PTPRM: variants seen among roughly 807,000 people sequenced by gnomAD.
The protein encoded by PTPRM is protein tyrosine phosphatase receptor type M.
Under a neutral mutation model 186.7 loss-of-function variants are expected in PTPRM, and 47 were observed. That is an observed-to-expected ratio of 0.25 (90% CI 0.20 to 0.32). The LOEUF is 0.32. Among genes scored for constraint, PTPRM ranks in the 10% least tolerant of loss-of-function variants. PTPRM has a pLI of 1.00. For synonymous variants in PTPRM, 668 were observed against 674.9 expected (o/e 0.99, Z 0.16); for missense variants, 1,494 against 1,865.0 (o/e 0.80, Z 3.66).
Position 7,930,358 on chromosome 18 carries a change from C to A in PTPRM, c.663+3675C>A, listed in dbSNP as rs557826685. Among the ~76,000 whole-genome samples the A allele has an allele frequency of 2.6e-5, 4 of 152,284 alleles. No homozygotes were observed. In the South Asian group the frequency reaches 8.3e-4, roughly 32 times the overall value. On this transcript the variant is annotated intron_variant, in intron 5 of 32. Transcript: ENST00000580170. ...GTGCTAGGATTACAGACGTGAGCCACCATGCCCGACCTATTTACAATAATT... is the reference window on the plus strand; with the variant it reads ...GTGCTAGGATTACAGACGTGAGCCAACATGCCCGACCTATTTACAATAATT...
intron 13 of PTPRM, among the ~76,000 whole-genome samples, chr18:8,124,720 G>C (rs758153226): frequency 3.0e-4 from 45 of 152,266 alleles, no homozygotes; most frequent in Non-Finnish European, 5.9e-4. Flanking sequence ...GAAGTGGTCG[G>C]TGTGACAGCT....
At chr18:8,187,027 A>G (rs896748622) in intron 14 of PTPRM, among the ~76,000 whole-genome samples, 2 of 149,848 alleles carry the variant, frequency 1.3e-5, no homozygotes, top group African/African-American at 4.9e-5. Context: ...TGCAACCTCC[A>G]CCTCCCAGAT....
chr18:8,230,173 C>T (rs1601358190), intron 14 of PTPRM, among the ~76,000 whole-genome samples: 3 of 152,240 alleles, frequency 2.0e-5, no homozygotes, highest in South Asian at 4.2e-4. Flanking sequence ...AACTCTACAA[C>T]AGAGGCCCAA....
chr18:7,698,885 T>C (rs1439794132), intron 1 of PTPRM, among the ~76,000 whole-genome samples: 1 of 152,226 alleles, frequency 6.6e-6, no homozygotes, highest in Non-Finnish European at 1.5e-5. Flanking sequence ...TGGATATCTT[T>C]GAAGGATCTA....
At chr18:7,687,583 G>A (rs1257681118) in intron 1 of PTPRM, among the ~76,000 whole-genome samples, 2 of 152,190 alleles carry the variant, frequency 1.3e-5, no homozygotes, top group African/African-American at 4.8e-5. Context: ...AATAATTTAA[G>A]TTTCCATTTA....
intron 1 of PTPRM, among the ~76,000 whole-genome samples, chr18:7,725,150 C>T (rs2144887811): frequency 6.6e-6 from 1 of 152,304 alleles, no homozygotes; most frequent in East Asian, 1.9e-4. Context: ...TATCCTGTCC[C>T]TAAATCTCAT....
chr18:7,605,426 C>A (rs559238218), intron 1 of PTPRM, among the ~76,000 whole-genome samples: 68 of 151,834 alleles, frequency 4.5e-4, no homozygotes, highest in Non-Finnish European at 8.5e-4. Flanking sequence ...ATGTCCCCCC[C>A]CCACTTCCGT....
chr18:7,803,668 A>T (rs183726846), intron 2 of PTPRM, among the ~76,000 whole-genome samples: 16 of 152,282 alleles, frequency 1.1e-4, no homozygotes, highest in African/African-American at 3.9e-4. Context: ...AGATGAGAAG[A>T]GAAGGGGCTG....
At chr18:7,810,394 G>A (rs2044448680) in intron 2 of PTPRM, among the ~76,000 whole-genome samples, 1 of 152,212 alleles carries the variant, frequency 6.6e-6, no homozygotes, top group East Asian at 1.9e-4. Context: ...TGAATAGCCT[G>A]GGGATGCAAA....
At chr18:8,208,902 G>A (rs771044555) in intron 14 of PTPRM, among the ~76,000 whole-genome samples, 1 of 152,210 alleles carries the variant, frequency 6.6e-6, no homozygotes, top group Non-Finnish European at 1.5e-5. Flanking sequence ...GGAGCAGACA[G>A]CAGTGCATGC....
At chr18:8,270,852 A>G (rs1283646983) in intron 19 of PTPRM, among the ~76,000 whole-genome samples, 1 of 152,128 alleles carries the variant, frequency 6.6e-6, no homozygotes. Context: ...GGTTAGAGGA[A>G]ATGGAGATGT....
At chr18:8,112,674 T>G (rs2091807253) in intron 11 of PTPRM, among the ~76,000 whole-genome samples, 1 of 152,224 alleles carries the variant, frequency 6.6e-6, no homozygotes, top group Non-Finnish European at 1.5e-5. Context: ...CTTAATTTTC[T>G]AAAAATCTAT....
intron 3 of PTPRM, among the ~76,000 whole-genome samples, chr18:7,902,834 C>CT (rs34332223): frequency 0.27 from 35,514 of 129,834 alleles, 5,540 homozygotes; most frequent in African/African-American, 0.41. Flanking sequence ...TCTTCTCTGC[C>CT]TTTTTTTTTT....
chr18:7,847,978 G>A (rs1269032505), intron 2 of PTPRM, among the ~76,000 whole-genome samples: 1 of 152,128 alleles, frequency 6.6e-6, no homozygotes, highest in African/African-American at 2.4e-5. Flanking sequence ...CTGTTTCAGG[G>A]GAGAAATGGG....
intron 8 of PTPRM, among the ~76,000 whole-genome samples, chr18:8,075,270 A>G (rs552838347): frequency 6.6e-6 from 1 of 151,952 alleles, no homozygotes; most frequent in Non-Finnish European, 1.5e-5. Context: ...ATCTATCTAT[A>G]TATATATATC....
At chr18:7,598,061 T>G (rs1037668366) in intron 1 of PTPRM, among the ~76,000 whole-genome samples, 4 of 152,218 alleles carry the variant, frequency 2.6e-5, no homozygotes, top group African/African-American at 9.6e-5. Flanking sequence ...TAGTGGGGTT[T>G]AGGTATAAAT....
At chr18:8,224,652 C>T (rs1395417318) in intron 14 of PTPRM, among the ~76,000 whole-genome samples, 2 of 152,098 alleles carry the variant, frequency 1.3e-5, no homozygotes, top group African/African-American at 4.8e-5. Context: ...CATTTGTGAC[C>T]CAGGGCAAGT....
intron 3 of PTPRM, among the ~76,000 whole-genome samples, chr18:7,894,213 C>G (rs1054360899): frequency 5.9e-5 from 9 of 152,118 alleles, no homozygotes; most frequent in African/African-American, 2.2e-4. Flanking sequence ...ATATAGATTT[C>G]TTTATAAGGA....
intron 2 of PTPRM, among the ~76,000 whole-genome samples, chr18:7,794,902 T>C (rs1004360114): frequency 2.0e-5 from 3 of 151,770 alleles, no homozygotes; most frequent in African/African-American, 7.3e-5. Context: ...AGGTATGGAG[T>C]GGTAGTTGTG....
Sources: gnomAD v4.1 joint callset for allele counts (sites outside exome capture counted in the v4.1 genomes callset) on GRCh38, gnomAD v4.1.1 for gene constraint, MANE v1.5 for transcripts, NCBI Gene and HGNC (gene_info 2026-07-23, HGNC 2026-07-21) for gene names.